Variants in DNAH11 observed in about 807,000 individuals in gnomAD.
DNAH11 encodes the protein axonemal beta dynein heavy chain 11.
A neutral mutation model predicts 526.0 loss-of-function variants in DNAH11; 442 were observed. The ratio of observed to expected loss-of-function variants is 0.84; its 90% CI spans 0.78 to 0.91. The LOEUF is 0.91. Ranked by LOEUF, DNAH11 falls within the 40% of genes least tolerant of loss-of-function variation. The pLI, the probability that DNAH11 is intolerant of heterozygous loss-of-function variation, is 0.00. For synonymous variants in DNAH11, 2,461 were observed against 1,935.9 expected (o/e 1.27, Z -7.12); for missense variants, 6,989 against 5,448.7 (o/e 1.28, Z -8.90).
chr7:21,829,989 G>T (rs1790477826), intron 65 of DNAH11, among the ~76,000 whole-genome samples: 1 of 152,196 alleles, frequency 6.6e-6, no homozygotes, highest in South Asian at 2.1e-4. Context: ...GACTTTCCGT[G>T]ATTTGAAGAA....
chr7:21,698,292 A>G, intron 36 of DNAH11, 79 bp downstream of exon 36: 1 of 1,561,370 alleles, frequency 6.4e-7, no homozygotes. Context: ...TAGGTAATTT[A>G]TCATTCAAAT....
intron 25 of DNAH11, among the ~76,000 whole-genome samples, chr7:21,630,061 A>C (rs75811399): frequency 0.025 from 3,765 of 151,690 alleles, 151 homozygotes; most frequent in African/African-American, 0.086. Flanking sequence ...AATGCTTTTT[A>C]TTTTTAGTGA....
intron 58 of DNAH11, among the ~76,000 whole-genome samples, chr7:21,785,328 T>C (rs1161919748): frequency 6.6e-6 from 1 of 152,208 alleles, no homozygotes; most frequent in Non-Finnish European, 1.5e-5. Context: ...CATGGGTATT[T>C]CTTAGAGTAC....
chr7:21,858,730 G>A (rs1782949099), intron 68 of DNAH11, among the ~76,000 whole-genome samples: 1 of 152,198 alleles, frequency 6.6e-6, no homozygotes, highest in African/African-American at 2.4e-5. Context: ...GGTGGGAATA[G>A]GCTGTAAATA....
chr7:21,898,798 T>C (rs1353959599), intron 79 of DNAH11, among the ~76,000 whole-genome samples: 1 of 152,194 alleles, frequency 6.6e-6, no homozygotes, highest in East Asian at 1.9e-4. Flanking sequence ...TGACTTGTTT[T>C]CCTAATTAAC....
intron 25 of DNAH11, among the ~76,000 whole-genome samples, chr7:21,622,740 G>A (rs1786134071): frequency 6.6e-6 from 1 of 152,138 alleles, no homozygotes; most frequent in Non-Finnish European, 1.5e-5. Context: ...TTTAATAAAT[G>A]GTGCTGGGAA....
intron 12 of DNAH11, 124 bp downstream of exon 12, chr7:21,589,527 T>C: frequency 1.4e-6 from 1 of 739,036 alleles, no homozygotes; most frequent in East Asian, 2.8e-5. Context: ...ACTGTAACTG[T>C]AAACAATTTC....
At position 21,601,140 on chromosome 7, in the gene DNAH11, G is replaced by C; in HGVS notation, c.3386G>C (p.Trp1129Ser). ...SLLTIIKKWS[W>S]MFQEHLLRFV... is the part of the protein sequence containing the mutation. ...TTAACCATAATTAAGAAATGGAGCTGGATGTTTCAGGAGCATCTTTTGAGA... is the reference window on the plus strand; with the variant it reads ...TTAACCATAATTAAGAAATGGAGCTCGATGTTTCAGGAGCATCTTTTGAGA... The change falls in exon 17 of 82, where the codon TGG becomes TCG. Residue 1129 changes from tryptophan to serine, a missense_variant. By Grantham distance (177) the Trp-to-Ser change is radical. Transcript: ENST00000409508. 1 of 1,606,672 alleles carries C rather than the reference G, an allele frequency of 6.2e-7. No individual in the cohort carries two copies. Among genetic ancestry groups the C allele is most frequent in the Non-Finnish European group, 8.5e-7 (1 of 1,178,508 alleles).
intron 63 of DNAH11, among the ~76,000 whole-genome samples, chr7:21,815,259 C>T (rs1859105): frequency 0.4 from 61,288 of 151,512 alleles, 13,188 homozygotes; most frequent in East Asian, 0.82. Context: ...AGGTAACAAA[C>T]TAAAGCACAT....
rs760839647 is a variant in DNAH11 at position 21,786,684 on chromosome 7, G to A, written c.9658G>A (p.Ala3220Thr). 6.8e-6 allele frequency: 11 copies of A among 1,613,662 alleles called. No individual in the cohort carries two copies. Among genetic ancestry groups the A allele is most frequent in the South Asian group, 2.2e-5 (2 of 91,038 alleles). The change falls in exon 59 of 82, where the codon GCA becomes ACA. Residue 3220 changes from alanine (A) to threonine (T), a missense_variant. Transcript: ENST00000409508. ...TCCCATCGCAGTTACCAATGTTACT[G>A]CAGCCGTGATGGTCCTTCTGGCTCC... is the stretch of plus-strand genomic sequence containing the variant. ...NPPIAVTNVT[A>T]AVMVLLAPRG...
intron 69 of DNAH11, among the ~76,000 whole-genome samples, chr7:21,863,262 A>G (rs548220412): frequency 1.1e-4 from 17 of 152,330 alleles, no homozygotes; most frequent in Non-Finnish European, 2.4e-4. Context: ...CACTTTATAC[A>G]TATCTGCAGC....
chr7:21,695,386 C>T (rs767063828), intron 35 of DNAH11, among the ~76,000 whole-genome samples: 1 of 152,132 alleles, frequency 6.6e-6, no homozygotes, highest in Admixed American at 6.5e-5. Flanking sequence ...GTACTGGTAC[C>T]ACAACAGATG....
Position 21,901,592 on chromosome 7 carries a change from AAGTACATCAT to A in DNAH11, c.*340_*349del, listed in dbSNP as rs1363884613. 5.7e-6 allele frequency: 1 copy of A among 174,694 alleles called. No individual in the cohort carries two copies. Among genetic ancestry groups the A allele is most frequent in the African/African-American group, 2.4e-5 (1 of 41,956 alleles). The allele number at this position is 174,694 out of a possible 1,614,324, so 10.8% of individuals were successfully genotyped here. A position where few individuals can be genotyped will look rare whatever the true frequency, so the allele number is the denominator to read the frequency against. On this transcript the variant is annotated 3_prime_UTR_variant, in exon 82 of 82. Transcript: ENST00000409508. ...TCAAAAAAAAAAAAGTACATCATAAAAGTACATCATATGTGAACATGCAAAAGCAATGCAG... is the reference window on the plus strand; with the variant it reads ...TCAAAAAAAAAAAAGTACATCATAAAATGTGAACATGCAAAAGCAATGCAG...
At chr7:21,856,795 A>T (rs200938532) in intron 68 of DNAH11, among the ~76,000 whole-genome samples, 1 of 148,972 alleles carries the variant, frequency 6.7e-6, no homozygotes, top group African/African-American at 2.5e-5. Context: ...TAAAAAAAAA[A>T]CCAACCAACT....
chr7:21,771,576 G>A (rs1267685013), intron 55 of DNAH11, among the ~76,000 whole-genome samples: 1 of 152,148 alleles, frequency 6.6e-6, no homozygotes. Flanking sequence ...ATTATGCGTT[G>A]GAGACAGCAT....
rs770922562 is a variant in DNAH11, at chr7:21,862,017, T to A, written c.11367T>A (p.Ala3789=). ...AGCTCACCTTCCTGTCCCAGATGGC[T>A]TTTCAGGTAAGGAGATCAGTTACTT... ...KDKLTFLSQM[A]FQILLRKKEI... is the part of the protein sequence containing the mutation. Residue 3789 remains alanine, a synonymous_variant, in exon 69 of 82, where the codon GCT becomes GCA. Coordinates refer to ENST00000409508, the MANE Select transcript of DNAH11 (RefSeq NM_001277115.2). 5 of 1,610,948 alleles carry A rather than the reference T, an allele frequency of 3.1e-6. No individual in the cohort carries two copies. The South Asian group carries it at 5.5e-5, about 18-fold the overall frequency.
At chr7:21,764,381 T>G (rs1787077202) in intron 54 of DNAH11, among the ~76,000 whole-genome samples, 1 of 152,158 alleles carries the variant, frequency 6.6e-6, no homozygotes, top group Non-Finnish European at 1.5e-5. Flanking sequence ...AATGATTTCA[T>G]CAATTGCCTG....
In DNAH11 at chr7:21,669,822, T is replaced by A. The variant is rs906424021; in HGVS notation, c.5328+10791T>A. ...TCTCTATTGAATTAATGTGGTACCT[T>A]GGTTGAAAGTCAACTGACTATATAC... On this transcript the variant is annotated intron_variant, in intron 30 of 81. Coordinates refer to ENST00000409508, the MANE Select transcript of DNAH11 (RefSeq NM_001277115.2). 1.1e-4 allele frequency among the ~76,000 whole-genome samples: 16 copies of A among 152,160 alleles called. 1 individual carries two copies. The highest frequency in any genetic ancestry group is 8.5e-4 in the Admixed American group (13 of 15,270).
intron 66 of DNAH11, among the ~76,000 whole-genome samples, chr7:21,846,504 T>G (rs1259429911): frequency 6.6e-6 from 1 of 152,204 alleles, no homozygotes; most frequent in African/African-American, 2.4e-5. Context: ...TTCTTTAGCT[T>G]GTTATATATC....
Sources: gnomAD v4.1 joint callset for allele counts (sites outside exome capture counted in the v4.1 genomes callset) on GRCh38, gnomAD v4.1.1 for gene constraint, MANE v1.5 for transcripts, NCBI Gene and HGNC (gene_info 2026-07-23, HGNC 2026-07-21) for gene names.